Variants in TRAPPC9 observed in about 807,000 individuals in gnomAD.
TRAPPC9 encodes IKK2 binding protein.
In TRAPPC9, 83 loss-of-function variants were observed where a neutral mutation model predicts 124.0. That is an observed-to-expected ratio of 0.67 (90% CI 0.56 to 0.80). The LOEUF (loss-of-function observed/expected upper bound fraction) is 0.80. Ranked by LOEUF, TRAPPC9 falls within the 30% of genes least tolerant of loss-of-function variation. The pLI, the probability that TRAPPC9 is intolerant of heterozygous loss-of-function variation, is 0.00. For synonymous variants in TRAPPC9, 638 were observed against 617.5 expected, an observed-to-expected ratio of 1.03 and a Z score of -0.49; for missense variants, 1,302 against 1,508.3, an observed-to-expected ratio of 0.86 and a Z score of 2.27.
Position 139,828,877 on chromosome 8 carries a change from G to A in TRAPPC9, c.3055+57002C>T, listed in dbSNP as rs550031880. Among the ~76,000 whole-genome samples, 17 of 152,316 alleles carry A rather than the reference G, an allele frequency of 1.1e-4. No individual in the cohort carries two copies. In the South Asian group the frequency reaches 3.1e-3, roughly 28 times the overall value. ...ATATTTATACAAATACATGCAATCC[G>A]AGGGAGGGCTCACCCAATGAAATGA... On this transcript the variant is annotated intron_variant, in intron 21 of 22. Transcript: ENST00000438773.
chr8:140,197,175 G>A (rs532893045), intron 17 of TRAPPC9, among the ~76,000 whole-genome samples: 1 of 152,322 alleles, frequency 6.6e-6, no homozygotes, highest in African/African-American at 2.4e-5. Context: ...TAAAGTGGGC[G>A]AGGAAGAGAA....
At chr8:140,105,772 A>G (rs1341022407) in intron 17 of TRAPPC9, among the ~76,000 whole-genome samples, 1 of 151,556 alleles carries the variant, frequency 6.6e-6, no homozygotes, top group East Asian at 1.9e-4. Context: ...TACCTAACTC[A>G]CCCTGTGGGG....
At chr8:140,112,943 G>T (rs994900086) in intron 17 of TRAPPC9, among the ~76,000 whole-genome samples, 2 of 151,216 alleles carry the variant, frequency 1.3e-5, no homozygotes, top group Non-Finnish European at 2.9e-5. Flanking sequence ...TGGTTCAAGG[G>T]ATTCTCCTAC....
In TRAPPC9 at chr8:140,284,117, G is replaced by A. The variant is rs1450199626; in HGVS notation, c.1982-96C>T. 23 of 1,549,040 alleles carry A rather than the reference G, an allele frequency of 1.5e-5. No individual in the cohort carries two copies. In the South Asian group the frequency reaches 2.6e-4, roughly 17 times the overall value. On this transcript the variant is annotated intron_variant, in intron 13 of 22. Coordinates refer to ENST00000438773, the MANE Select transcript of TRAPPC9 (RefSeq NM_001160372.4). ...GCGAAGAGTACGGGGCTCCTCTTCA[G>A]AAGACCTGAGTTCCGAAGCTGCCCG... is the stretch of plus-strand genomic sequence containing the variant.
intron 14 of TRAPPC9, among the ~76,000 whole-genome samples, chr8:140,280,070 C>T (rs2065260634): frequency 6.6e-6 from 1 of 152,226 alleles, no homozygotes. Flanking sequence ...GTGCCCTGCA[C>T]AGGCCTGTGA....
chr8:140,219,126 G>A (rs1331069656), intron 17 of TRAPPC9, among the ~76,000 whole-genome samples: 6 of 152,160 alleles, frequency 3.9e-5, no homozygotes, highest in Non-Finnish European at 7.3e-5. Context: ...GAAGGCCTTG[G>A]TGAGACCCCA....
chr8:139,986,490 A>G (rs536754182), intron 19 of TRAPPC9, among the ~76,000 whole-genome samples: 1 of 152,284 alleles, frequency 6.6e-6, no homozygotes, highest in African/African-American at 2.4e-5. Context: ...TATAAGGTGA[A>G]AAAGATTTAC....
chr8:140,257,320 G>A lies in TRAPPC9; in HGVS notation c.2279-4391C>T, dbSNP rs887716396. On this transcript the variant is annotated intron_variant, in intron 15 of 22. Transcript: ENST00000438773. This position sits in a 1 kb window ranked among gnomAD's most constrained non-coding sequence, Gnocchi z 4.6. The stretch of plus-strand genomic sequence containing the variant: ...TCCTCTGGCAGCTCAGAACGCAGTT[G>A]CTGCCTCTTCTCCACGCAGCAGTGC... Among the ~76,000 whole-genome samples the A allele has an allele frequency of 1.3e-5, 2 of 152,218 alleles. No homozygotes were observed. The highest frequency in any genetic ancestry group is 2.9e-5 in the Non-Finnish European group (2 of 68,044).
intron 18 of TRAPPC9, among the ~76,000 whole-genome samples, chr8:140,021,314 C>G (rs985372752): frequency 2.0e-5 from 3 of 152,216 alleles, no homozygotes; most frequent in African/African-American, 7.2e-5. Context: ...TAGCTGATCA[C>G]ATCTTAACTT....
Position 140,397,615 on chromosome 8 carries a change from C to T in TRAPPC9, c.1134+5G>A. The T allele has an allele frequency of 1.2e-6, 2 of 1,613,842 alleles. No homozygotes were observed. Among genetic ancestry groups the T allele is most frequent in the Non-Finnish European group, 1.7e-6 (2 of 1,179,808 alleles). On this transcript the variant is annotated splice_donor_5th_base_variant and intron_variant, in intron 7 of 22. Coordinates refer to ENST00000438773, the MANE Select transcript of TRAPPC9 (RefSeq NM_001160372.4). ...TCTTCCACTTACAGGTAGACATACA[C>T]TCACCTGTCGAAGGTTAATGTAAAC...
intron 5 of TRAPPC9, among the ~76,000 whole-genome samples, chr8:140,419,213 G>A (rs942354321): frequency 5.3e-5 from 8 of 152,068 alleles, no homozygotes; most frequent in African/African-American, 1.9e-4. Flanking sequence ...TGGATCAGGA[G>A]GTCAGGAGAT....
chr8:139,952,889 TTACAGATGTGGAA>T (rs906115014), intron 19 of TRAPPC9, among the ~76,000 whole-genome samples: 1 of 152,192 alleles, frequency 6.6e-6, no homozygotes, highest in Admixed American at 6.5e-5. Flanking sequence ...TTAACACACT[TTACAGATGTGGAA>T]ACTGAAGGTA....
In TRAPPC9 at chr8:140,072,089, G is replaced by T. The variant is rs560873251; in HGVS notation, c.2557-48010C>A. Among the ~76,000 whole-genome samples, 13 of 152,278 alleles carry T rather than the reference G, an allele frequency of 8.5e-5. 1 individual carries two copies. The South Asian group carries it at 2.7e-3, about 32-fold the overall frequency. ...GGGTTGCCTACAAGGCAGTATGAGG[G>T]GACATTTTTTTAAGGTGAAGAAATT... On this transcript the variant is annotated intron_variant, in intron 17 of 22. Transcript: ENST00000438773.
chr8:140,300,393 C>T (rs529101853), intron 11 of TRAPPC9, 76 bp downstream of exon 11: 23 of 1,596,870 alleles, frequency 1.4e-5, no homozygotes, highest in East Asian at 4.5e-5. Flanking sequence ...GCTCAAAATG[C>T]TGTTCTAAAA....
At chr8:140,201,490 T>C (rs2131170233) in intron 17 of TRAPPC9, among the ~76,000 whole-genome samples, 1 of 152,324 alleles carries the variant, frequency 6.6e-6, no homozygotes, top group Non-Finnish European at 1.5e-5. Context: ...ATTTGACAAA[T>C]TTTATTTTAA....
intron 15 of TRAPPC9, among the ~76,000 whole-genome samples, chr8:140,263,471 A>G (rs2064501464): frequency 6.6e-6 from 1 of 152,226 alleles, no homozygotes; most frequent in African/African-American, 2.4e-5. Flanking sequence ...GAAACTAGGG[A>G]TAGGAAAATA....
intron 17 of TRAPPC9, among the ~76,000 whole-genome samples, chr8:140,091,364 TG>T (rs565567570): frequency 2.0e-4 from 31 of 152,324 alleles, no homozygotes; most frequent in African/African-American, 6.0e-4. Context: ...CAAGAAAGAC[TG>T]GCAGGAAGAT....
intron 21 of TRAPPC9, among the ~76,000 whole-genome samples, chr8:139,771,039 T>C (rs1040892090): frequency 6.6e-6 from 1 of 152,090 alleles, no homozygotes; most frequent in South Asian, 2.1e-4. Flanking sequence ...GACGCCAACA[T>C]GCTGGAGACA....
rs183100595 is a variant in TRAPPC9, at chr8:140,308,295, A to G, written c.1622+2953T>C. Among the ~76,000 whole-genome samples the G allele has an allele frequency of 6.7e-4, 102 of 151,440 alleles. No homozygotes were observed. In the East Asian group the frequency reaches 7.2e-3, roughly 11 times the overall value. On this transcript the variant is annotated intron_variant, in intron 10 of 22. Transcript: ENST00000438773. The stretch of plus-strand genomic sequence containing the variant: ...CCTGCAAGCCATGCAAAGCAAGTAC[A>G]TTAGAGTCTGTTCTCTAAGCGGTGG...
Sources: allele counts gnomAD v4.1 joint callset (sites outside exome capture counted in the v4.1 genomes callset), GRCh38; gene constraint gnomAD v4.1.1; non-coding constraint Gnocchi (gnomAD v3.1); transcripts MANE v1.5; gene names NCBI Gene and HGNC (gene_info 2026-07-23, HGNC 2026-07-21).